Variants in POLD1 observed in about 807,000 individuals in gnomAD.
The protein encoded by POLD1 is DNA polymerase delta catalytic subunit.
Under a neutral mutation model 129.7 loss-of-function variants are expected in POLD1, and 79 were observed. The ratio of observed to expected loss-of-function variants is 0.61; its 90% CI spans 0.51 to 0.73. The LOEUF (loss-of-function observed/expected upper bound fraction) is 0.73, where lower values mean the gene tolerates loss of function less well. Ranked by LOEUF, POLD1 falls within the 30% of genes least tolerant of loss-of-function variation. POLD1 has a pLI of 0.00. For missense variants in POLD1, 1,338 were observed against 1,595.8 expected, an observed-to-expected ratio of 0.84 and a Z score of 2.75; for synonymous variants, 714 against 683.3, an observed-to-expected ratio of 1.04 and a Z score of -0.70.
intron 1 of POLD1, among the ~76,000 whole-genome samples, chr19:50,390,280 C>G (rs2123725128): frequency 6.6e-6 from 1 of 150,564 alleles, no homozygotes; most frequent in African/African-American, 2.4e-5. Flanking sequence ...TTATTTACAG[C>G]TAGGCAACAA....
chr19:50,390,154 C>T (rs1305247186), intron 1 of POLD1, among the ~76,000 whole-genome samples: 1 of 152,066 alleles, frequency 6.6e-6, no homozygotes, highest in East Asian at 1.9e-4. Flanking sequence ...GGTAATCCAC[C>T]CACCTCAGCC....
intron 17 of POLD1, chr19:50,411,015 T>C (rs1295631287): frequency 6.8e-6 from 1 of 146,044 alleles, no homozygotes; most frequent in Non-Finnish European, 1.5e-5. Flanking sequence ...TGGAGCGCAG[T>C]GGCACAATCG....
chr19:50,393,148 A>G (rs986477343), intron 1 of POLD1, among the ~76,000 whole-genome samples: 4 of 152,172 alleles, frequency 2.6e-5, no homozygotes, highest in African/African-American at 9.7e-5. Flanking sequence ...TTTTATGTTT[A>G]TAATTGAGGT....
chr19:50,417,922 G>A lies in POLD1; in HGVS notation c.3299G>A (p.Gly1100Glu). Residue 1100 changes from glycine (G) to glutamate (E), a missense_variant, in exon 27 of 27, where the codon GGA becomes GAA. Physicochemically the swap from Gly to Glu is moderately conservative, Grantham distance 98. Around this residue, in one of 3 missense-constraint regions of POLD1, gnomAD observed 286 missense variants for 277.5 expected, o/e 1.03. Transcript: ENST00000440232. Reference protein sequence around the residue: ...EDQEQLLRRFGPPGPEAW With the variant: ...EDQEQLLRRFEPPGPEAW ...CAGGAGCAGCTCCTGCGGCGCTTCG[G>A]ACCCCCTGGACCTGAGGCCTGGTGA... The A allele has an allele frequency of 6.2e-7, 1 of 1,610,128 alleles. No individual in the cohort carries two copies. Among genetic ancestry groups the A allele is most frequent in the Non-Finnish European group, 8.5e-7 (1 of 1,178,068 alleles).
chr19:50,414,400 C>T (rs569776485), intron 19 of POLD1, among the ~76,000 whole-genome samples: 63 of 152,382 alleles, frequency 4.1e-4, no homozygotes, highest in African/African-American at 1.5e-3. Context: ...CCAGTTCTCA[C>T]ACTGTACTGT....
intron 20 of POLD1, 80 bp from the exon 21 acceptor site, chr19:50,415,358 C>A: frequency 7.0e-7 from 1 of 1,423,460 alleles, no homozygotes; most frequent in Non-Finnish European, 9.7e-7. Flanking sequence ...TCATCCTGGT[C>A]TCCAGCCCTG....
In POLD1 at chr19:50,415,424, C is replaced by G. The variant is rs1555792999; in HGVS notation, c.2565-14C>G. The G allele has an allele frequency of 1.2e-6, 2 of 1,605,388 alleles. No homozygotes were observed. Among genetic ancestry groups the G allele is most frequent in the African/African-American group, 2.7e-5 (2 of 74,874 alleles). ...GTGCCTTTTGGTGACGCTGTGCGGC[C>G]CGCTCTCCTACAGAGACCCTGAGGG... On this transcript the variant is annotated splice_polypyrimidine_tract_variant and intron_variant, in intron 20 of 26. Coordinates refer to ENST00000440232, the MANE Select transcript of POLD1 (RefSeq NM_002691.4).
At position 50,409,588 on chromosome 19, in the gene POLD1, G is replaced by A. The variant is rs1420671052; in HGVS notation, c.2076G>A (p.Ala692=). 1.2e-5 allele frequency: 20 copies of A among 1,613,266 alleles called. No individual in the cohort carries two copies. The highest frequency in any genetic ancestry group is 1.7e-5 in the Admixed American group (1 of 60,002). ...RRQVLDGRQL[A]LKVSANSVYG... is the part of the protein sequence containing the mutation. ...AGGTCCTGGATGGACGGCAGCTGGC[G>A]CTGAAGGTGAGCGCCAACTCCGTAT... is the stretch of plus-strand genomic sequence containing the variant. Residue 692 remains alanine (A), a synonymous_variant, in exon 17 of 27, where the codon GCG becomes GCA. Coordinates refer to ENST00000440232, the MANE Select transcript of POLD1 (RefSeq NM_002691.4). The surrounding 1 kb of genome is among the most constrained non-coding windows in gnomAD (Gnocchi z 5.8).
At chr19:50,399,170 T>G in intron 2 of POLD1, 117 bp downstream of exon 2, 1 of 1,450,892 alleles carries the variant, frequency 6.9e-7, no homozygotes, top group Non-Finnish European at 9.4e-7. Flanking sequence ...TTTTGAATCC[T>G]ACAAAGGACT....
chr19:50,390,900 CG>C (rs1211493214), intron 1 of POLD1, among the ~76,000 whole-genome samples: 1 of 152,106 alleles, frequency 6.6e-6, no homozygotes, highest in Non-Finnish European at 1.5e-5. Context: ...GGGGTAAGGC[CG>C]TAGATTAACA....
intron 17 of POLD1, among the ~76,000 whole-genome samples, chr19:50,412,680 C>T (rs1286348663): frequency 6.6e-6 from 1 of 152,124 alleles, no homozygotes; most frequent in Non-Finnish European, 1.5e-5. Context: ...TCACACCCAT[C>T]TCTCCTTGGT....
chr19:50,399,967 A>G (rs2038522965), intron 3 of POLD1, among the ~76,000 whole-genome samples: 1 of 151,290 alleles, frequency 6.6e-6, no homozygotes, highest in Admixed American at 6.6e-5. Flanking sequence ...GGTGCACACC[A>G]CCATGCCTGG....
intron 1 of POLD1, among the ~76,000 whole-genome samples, chr19:50,397,710 T>C (rs748822984): frequency 5.3e-5 from 8 of 152,174 alleles, no homozygotes; most frequent in Non-Finnish European, 8.8e-5. Context: ...GCCCTGATTA[T>C]GTCTTTAAAA....
chr19:50,400,673 A>G (rs2038564868), intron 3 of POLD1, among the ~76,000 whole-genome samples: 1 of 150,248 alleles, frequency 6.7e-6, no homozygotes, highest in African/African-American at 2.5e-5. Context: ...CTAGGACTAC[A>G]GGTGTGCACC....
At position 50,402,054 on chromosome 19, in the gene POLD1, C is replaced by T. The variant is rs1555789901; in HGVS notation, c.519C>T (p.Ser173=). ...DLQRELNLAI[S]RDSRGGRELT... ...AACGGGAGCTGAACTTGGCCATCAG[C>T]CGGGACAGTCGCGGGGGGAGGGAGC... Residue 173 remains serine (S), a synonymous_variant, in exon 5 of 27, where the codon AGC becomes AGT. Transcript: ENST00000440232. The T allele has an allele frequency of 1.2e-6, 2 of 1,614,058 alleles. No homozygotes were observed. The highest frequency in any genetic ancestry group is 2.7e-5 in the African/African-American group (2 of 75,042).
In POLD1 at chr19:50,403,310, ATGTCTGTGGGTCTGGGTGGG is replaced by A. The variant is rs1471192635; in HGVS notation, c.1137+112_1137+131del. 31 of 1,352,042 alleles carry A rather than the reference ATGTCTGTGGGTCTGGGTGGG, an allele frequency of 2.3e-5. No individual in the cohort carries two copies. The East Asian group carries it at 2.5e-4, about 11-fold the overall frequency. The allele number at this position is 1,352,042 out of a possible 1,614,324, so 83.8% of individuals were successfully genotyped here. ...TCAGCTCCTGGGTGCTGCGACGCCC[ATGTCTGTGGGTCTGGGTGGG>A]TGTCTGTGGGTCTGGGTGGGCCCCT... On this transcript the variant is annotated intron_variant, in intron 9 of 26. Coordinates refer to ENST00000440232, the MANE Select transcript of POLD1 (RefSeq NM_002691.4).
chr19:50,389,094 G>A (rs1292318013), intron 1 of POLD1, among the ~76,000 whole-genome samples: 1 of 150,678 alleles, frequency 6.6e-6, no homozygotes, highest in African/African-American at 2.4e-5. Context: ...GCCTCCCAGA[G>A]TGCTGGGATT....
At chr19:50,415,216 C>T (rs1258686315) in intron 20 of POLD1, among the ~76,000 whole-genome samples, 1 of 152,192 alleles carries the variant, frequency 6.6e-6, no homozygotes, top group East Asian at 1.9e-4. Flanking sequence ...GGTGTCAGGC[C>T]CAGCTCTTCC....
rs776773005 is a variant in POLD1 at position 50,399,040 on chromosome 19, G to T, written c.189G>T (p.Glu63Asp). ...AGGAGGAGCTGCAGTCAGTCCTGGA[G>T]GGGGTTGCAGACGGTAAGGCTTGGA... ...QEEEELQSVLEGVADGQVPPS... is the reference protein window; with the variant it reads ...QEEEELQSVLDGVADGQVPPS... Residue 63 changes from glutamate to aspartate, a missense_variant, in exon 2 of 27, where the codon GAG becomes GAT. Glu to Asp is a conservative substitution (Grantham distance 45, BLOSUM62 2). Transcript: ENST00000440232. 4 of 1,554,172 alleles carry T rather than the reference G, an allele frequency of 2.6e-6. No homozygotes were observed. Among genetic ancestry groups the T allele is most frequent in the Non-Finnish European group, 1.7e-6 (2 of 1,148,638 alleles).
Sources: allele counts gnomAD v4.1 joint callset (sites outside exome capture counted in the v4.1 genomes callset), GRCh38; gene constraint gnomAD v4.1.1; regional missense constraint gnomAD v4.1.1; non-coding constraint Gnocchi (gnomAD v3.1); transcripts MANE v1.5; gene names NCBI Gene and HGNC (gene_info 2026-07-23, HGNC 2026-07-21).